The following SOX5 variants were observed in gnomAD, a reference collection of about 807,000 sequenced individuals.
SOX5 encodes transcription factor SOX-5.
Under a neutral mutation model 92.0 loss-of-function variants are expected in SOX5, and 9 were observed. The observed-to-expected ratio is 0.10, with a 90% CI of 0.06 to 0.17. The LOEUF (loss-of-function observed/expected upper bound fraction) is 0.17, where lower values mean the gene tolerates loss of function less well. Among genes scored for constraint, SOX5 ranks in the 10% least tolerant of loss-of-function variants. SOX5 has a pLI of 1.00. For synonymous variants in SOX5, 344 were observed against 336.3 expected, an observed-to-expected ratio of 1.02 and a Z score of -0.25; for missense variants, 642 against 944.5, an observed-to-expected ratio of 0.68 and a Z score of 4.20.
intron 2 of SOX5, among the ~76,000 whole-genome samples, chr12:24,289,801 C>T (rs886492125): frequency 1.1e-4 from 17 of 152,174 alleles, no homozygotes; most frequent in African/African-American, 3.6e-4. Flanking sequence ...TATTATCTTC[C>T]TGTAGAGCAA....
intron 4 of SOX5, among the ~76,000 whole-genome samples, chr12:24,081,778 C>T (rs1169469294): frequency 1.3e-5 from 2 of 151,984 alleles, no homozygotes; most frequent in Non-Finnish European, 2.9e-5. Context: ...ATTGAGGTCA[C>T]TGCAAGACAA....
chr12:24,120,448 CA>C (rs1948492517), intron 4 of SOX5, among the ~76,000 whole-genome samples: 1 of 152,102 alleles, frequency 6.6e-6, no homozygotes, highest in Non-Finnish European at 1.5e-5. Flanking sequence ...GATGAAAATC[CA>C]GAGAGTAAAA....
intron 1 of SOX5, among the ~76,000 whole-genome samples, chr12:24,494,968 G>A (rs1016801822): frequency 2.6e-5 from 4 of 152,070 alleles, no homozygotes; most frequent in Non-Finnish European, 5.9e-5. Flanking sequence ...GCCTTAAAAA[G>A]GTAATTTTTT....
intron 3 of SOX5, among the ~76,000 whole-genome samples, chr12:24,222,997 TC>T (rs1960875785): frequency 6.6e-6 from 1 of 152,200 alleles, no homozygotes; most frequent in South Asian, 2.1e-4. Flanking sequence ...ATCACCACTT[TC>T]AAAACTGCAG....
chr12:23,901,275 A>G (rs547679478), intron 1 of SOX5, among the ~76,000 whole-genome samples: 3 of 152,218 alleles, frequency 2.0e-5, no homozygotes, highest in South Asian at 2.1e-4. Context: ...AGAAAATGCA[A>G]TGGAACAGAT....
At chr12:24,503,043 GGA>G (rs1371988616) in intron 1 of SOX5, among the ~76,000 whole-genome samples, 1 of 152,170 alleles carries the variant, frequency 6.6e-6, no homozygotes, top group African/African-American at 2.4e-5. Context: ...GTGGGATTCT[GGA>G]TGGGATCGTG....
At chr12:23,657,402 T>C (rs1187829790) in intron 7 of SOX5, among the ~76,000 whole-genome samples, 2 of 152,152 alleles carry the variant, frequency 1.3e-5, no homozygotes, top group African/African-American at 4.8e-5. Context: ...ACTTTTTAAG[T>C]CCTTACGGAA....
chr12:23,704,482 A>G (rs1393601101), intron 6 of SOX5, among the ~76,000 whole-genome samples: 1 of 151,552 alleles, frequency 6.6e-6, no homozygotes, highest in Non-Finnish European at 1.5e-5. Context: ...CAAGCCCTGT[A>G]GAATATTTCT....
At chr12:23,857,927 T>C (rs1448996353) in intron 2 of SOX5, among the ~76,000 whole-genome samples, 1 of 152,092 alleles carries the variant, frequency 6.6e-6, no homozygotes, top group Non-Finnish European at 1.5e-5. Context: ...AGAGACGGGG[T>C]TTCGCCATAT....
intron 1 of SOX5, among the ~76,000 whole-genome samples, chr12:24,437,936 A>G (rs1461073201): frequency 1.3e-5 from 2 of 152,250 alleles, no homozygotes; most frequent in African/African-American, 4.8e-5. Flanking sequence ...TACTGGGTAT[A>G]TACCCAAAGG....
intron 1 of SOX5, among the ~76,000 whole-genome samples, chr12:24,376,106 C>A (rs1378858603): frequency 6.6e-6 from 1 of 152,200 alleles, no homozygotes; most frequent in East Asian, 1.9e-4. Flanking sequence ...CAAAAAGATG[C>A]ACAATCTAAA....
chr12:24,335,964 A>C (rs1951825540), intron 2 of SOX5, among the ~76,000 whole-genome samples: 1 of 12,646 alleles, frequency 7.9e-5, no homozygotes, highest in Non-Finnish European at 2.1e-4. Flanking sequence ...CCAGGCTAGA[A>C]ATGCTATCAT....
At chr12:24,034,809 G>A (rs571743705) in intron 4 of SOX5, among the ~76,000 whole-genome samples, 1 of 152,086 alleles carries the variant, frequency 6.6e-6, no homozygotes, top group Non-Finnish European at 1.5e-5. Flanking sequence ...ACTATTTGAT[G>A]GATTAGAAGG....
At chr12:24,456,922 AAACCT>A (rs1286477613) in intron 1 of SOX5, among the ~76,000 whole-genome samples, 1 of 152,216 alleles carries the variant, frequency 6.6e-6, no homozygotes, top group Non-Finnish European at 1.5e-5. Context: ...AAAGATCAGT[AAACCT>A]AAAACACATT....
chr12:24,400,262 T>C (rs1961197399), intron 1 of SOX5, among the ~76,000 whole-genome samples: 1 of 152,228 alleles, frequency 6.6e-6, no homozygotes, highest in African/African-American at 2.4e-5. Flanking sequence ...AAATGCTAAT[T>C]AGTTTTTAAA....
At chr12:24,558,137 T>G (rs553728653) in intron 1 of SOX5, among the ~76,000 whole-genome samples, 230 of 152,338 alleles carry the variant, frequency 1.5e-3, no homozygotes, top group Non-Finnish European at 2.7e-3. Flanking sequence ...AAAATAACAG[T>G]AATATCATCT....
chr12:24,451,979 G>C (rs1448594466), intron 1 of SOX5, among the ~76,000 whole-genome samples: 1 of 152,218 alleles, frequency 6.6e-6, no homozygotes, highest in African/African-American at 2.4e-5. Context: ...ATCATACAAA[G>C]AGACTTAAGA....
At chr12:23,538,970 T>G (rs1412686849) in intron 13 of SOX5, among the ~76,000 whole-genome samples, 1 of 149,180 alleles carries the variant, frequency 6.7e-6, no homozygotes, top group Non-Finnish European at 1.5e-5. Flanking sequence ...CCGGCTAGCT[T>G]TTTTTTTTGT....
chr12:24,268,659 T>C (rs1412757015), intron 3 of SOX5, among the ~76,000 whole-genome samples: 3 of 152,208 alleles, frequency 2.0e-5, no homozygotes, highest in Non-Finnish European at 4.4e-5. Context: ...GATGAAATTG[T>C]AGAGCAGAAA....
Sources: gnomAD v4.1 joint callset for allele counts (sites outside exome capture counted in the v4.1 genomes callset) on GRCh38, gnomAD v4.1.1 for gene constraint, MANE v1.5 for transcripts, NCBI Gene and HGNC (gene_info 2026-07-23, HGNC 2026-07-21) for gene names.